GIMAP1: variants seen among roughly 807,000 people sequenced by gnomAD.
GIMAP1 encodes GTPase, IMAP family member 1.
For missense variants in GIMAP1, 423 were observed against 411.9 expected (o/e 1.03, Z -0.23); for synonymous variants, 230 against 187.7 (o/e 1.23, Z -1.84).
Position 150,723,572 on chromosome 7 carries a change from T to C in GIMAP1, c.*2647T>C, listed in dbSNP as rs1731962271. 6.6e-6 allele frequency: 1 copy of C among 152,188 alleles called. No homozygotes were observed. The highest frequency in any genetic ancestry group is 2.4e-5 in the African/African-American group (1 of 41,452). The allele number at this position is 152,188 out of a possible 1,614,324, so 9.4% of individuals were successfully genotyped here. A position where few individuals can be genotyped will look rare whatever the true frequency, so the allele number is the denominator to read the frequency against. On this transcript the variant is annotated 3_prime_UTR_variant, in exon 3 of 3. Transcript: ENST00000307194. ...TCACCATTCCCTTCGGTAAAGTCTTTTTTTAGGCTGTGGCTTAAAGGTTGC... is the reference window on the plus strand; with the variant it reads ...TCACCATTCCCTTCGGTAAAGTCTTCTTTTAGGCTGTGGCTTAAAGGTTGC...
In GIMAP1 at chr7:150,720,131, A is replaced by T. The variant is rs1797274531; in HGVS notation, c.127A>T (p.Thr43Ser). The T allele has an allele frequency of 6.2e-7, 1 of 1,613,844 alleles. No homozygotes were observed. Among genetic ancestry groups the T allele is most frequent in the Non-Finnish European group, 8.5e-7 (1 of 1,180,022 alleles). ...GAGAACAGGGGCCGGGAAGAGCGCC[A>T]CTGGGAACAGCATCCTGGGCCAGAG... ...VGRTGAGKSATGNSILGQRRF... is the reference protein window; with the variant it reads ...VGRTGAGKSASGNSILGQRRF... The change falls in exon 3 of 3, where the codon ACT becomes TCT. Residue 43 changes from threonine (T) to serine (S), a missense_variant. Transcript: ENST00000307194. This position sits in a 1 kb window ranked among gnomAD's most constrained non-coding sequence, Gnocchi z 4.5.
chr7:150,717,528 G>T (rs573295249), intron 1 of GIMAP1, among the ~76,000 whole-genome samples: 4 of 151,878 alleles, frequency 2.6e-5, no homozygotes, highest in Admixed American at 6.6e-5. Context: ...AGGGCCATTT[G>T]TCACCTCAGA....
At chr7:150,719,120 G>T (rs757865137) in intron 2 of GIMAP1, 30 bp downstream of exon 2, 3 of 1,613,884 alleles carry the variant, frequency 1.9e-6, no homozygotes, top group South Asian at 2.2e-5. Flanking sequence ...CCTCATACTT[G>T]CCCCCCTAGG....
Position 150,720,856 on chromosome 7 carries a change from C to G in GIMAP1, c.852C>G (p.Gly284=), listed in dbSNP as rs770099581. Reference sequence around the variant, plus strand: ...TGGGCCTGGCCCTGCTGCTGGGGGGCGCGCTCCTGTTCTGGGTGCTGCTCC... The same window carrying G: ...TGGGCCTGGCCCTGCTGCTGGGGGGGGCGCTCCTGTTCTGGGTGCTGCTCC... ...WRLGLALLLG[G]ALLFWVLLHR... Residue 284 remains glycine, a synonymous_variant, in exon 3 of 3, where the codon GGC becomes GGG. Transcript: ENST00000307194. The surrounding 1 kb of genome is among the most constrained non-coding windows in gnomAD (Gnocchi z 4.5). The G allele has an allele frequency of 1.9e-6, 3 of 1,605,260 alleles. No individual in the cohort carries two copies. The South Asian group carries it at 3.3e-5, about 18-fold the overall frequency.
At position 150,718,962 on chromosome 7, in the gene GIMAP1, G is replaced by T; in HGVS notation, c.-6-80G>T. Reference sequence around the variant, plus strand: ...TTTGGACTTTGCCTGACACCCTGTAGGTGGTTATGCCTATTTGTGGTTATG... The same window carrying T: ...TTTGGACTTTGCCTGACACCCTGTATGTGGTTATGCCTATTTGTGGTTATG... On this transcript the variant is annotated intron_variant, in intron 1 of 2. Transcript: ENST00000307194. 2.5e-6 allele frequency: 4 copies of T among 1,592,124 alleles called. No individual in the cohort carries two copies. In the South Asian group the frequency reaches 4.4e-5, roughly 18 times the overall value.
At position 150,720,829 on chromosome 7, in the gene GIMAP1, G is replaced by A. The variant is rs1418404139; in HGVS notation, c.825G>A (p.Arg275=). ...GGCTGAAGTCCCCCAGGAGCTGGAG[G>A]CTGGGCCTGGCCCTGCTGCTGGGGG... The part of the protein sequence containing the change: ...WKWLKSPRSW[R]LGLALLLGGA... Residue 275 remains arginine (R), a synonymous_variant, in exon 3 of 3, where the codon AGG becomes AGA. Transcript: ENST00000307194. This position sits in a 1 kb window ranked among gnomAD's most constrained non-coding sequence, Gnocchi z 4.5. 3.1e-6 allele frequency: 5 copies of A among 1,603,396 alleles called. No homozygotes were observed. Among genetic ancestry groups the A allele is most frequent in the Non-Finnish European group, 4.2e-6 (5 of 1,176,874 alleles).
chr7:150,721,742 C>T lies in GIMAP1; in HGVS notation c.*817C>T, dbSNP rs142385558. Reference sequence around the variant, plus strand: ...GGGAGAATCACTTGATGCAGTGAGCCGAGATCGTGCCACTGCACTCCAGGC... The same window carrying T: ...GGGAGAATCACTTGATGCAGTGAGCTGAGATCGTGCCACTGCACTCCAGGC... On this transcript the variant is annotated 3_prime_UTR_variant, in exon 3 of 3. Coordinates refer to ENST00000307194, the MANE Select transcript of GIMAP1 (RefSeq NM_130759.4). 7.3e-5 allele frequency: 11 copies of T among 149,934 alleles called. No homozygotes were observed. The East Asian group carries it at 1.4e-3, about 19-fold the overall frequency. 9.3% of individuals were successfully genotyped at this position (149,934 alleles called of 1,614,324 possible). A position where few individuals can be genotyped will look rare whatever the true frequency, so the allele number is the denominator to read the frequency against.
Position 150,720,019 on chromosome 7 carries a change from A to C in GIMAP1, c.44-29A>C. The C allele has an allele frequency of 6.6e-7, 1 of 1,522,760 alleles. No individual in the cohort carries two copies. The highest frequency in any genetic ancestry group is 8.8e-7 in the Non-Finnish European group (1 of 1,134,382). 94.3% of individuals were successfully genotyped at this position (1,522,760 alleles called of 1,614,324 possible). A position where few individuals can be genotyped will look rare whatever the true frequency, so the allele number is the denominator to read the frequency against. Reference sequence around the variant, plus strand: ...TCCCAAGGGGAAGTTGGTTAAACTTAAGTAAGATTATAACACTTGGTCTCA... The same window carrying C: ...TCCCAAGGGGAAGTTGGTTAAACTTCAGTAAGATTATAACACTTGGTCTCA... On this transcript the variant is annotated intron_variant, in intron 2 of 2. Coordinates refer to ENST00000307194, the MANE Select transcript of GIMAP1 (RefSeq NM_130759.4). The surrounding 1 kb of genome is among the most constrained non-coding windows in gnomAD (Gnocchi z 4.5).
rs1244655386 is a variant in GIMAP1, at chr7:150,720,721, G to T, written c.717G>T (p.Arg239=). Residue 239 remains arginine (R), a synonymous_variant, in exon 3 of 3, where the codon CGG becomes CGT. Transcript: ENST00000307194. The surrounding 1 kb of genome is among the most constrained non-coding windows in gnomAD (Gnocchi z 4.5). Reference sequence around the variant, plus strand: ...TGCGCTGGGCAGGCCCTGAGGAGCGGCTCCGGCGGGTGGCGGAGCGCGTGG... The same window carrying T: ...TGCGCTGGGCAGGCCCTGAGGAGCGTCTCCGGCGGGTGGCGGAGCGCGTGG... ...QVLRWAGPEE[R]LRRVAERVAA... is the part of the protein sequence containing the mutation. 13 of 1,572,590 alleles carry T rather than the reference G, an allele frequency of 8.3e-6. No individual in the cohort carries two copies. The highest frequency in any genetic ancestry group is 1.0e-5 in the Non-Finnish European group (12 of 1,159,052).
chr7:150,717,271 A>G (rs1797231049), intron 1 of GIMAP1, among the ~76,000 whole-genome samples: 1 of 152,124 alleles, frequency 6.6e-6, no homozygotes, highest in South Asian at 2.1e-4. Context: ...GACACCTCAA[A>G]TTCCCATCTG....
chr7:150,719,901 A>G, intron 2 of GIMAP1, 147 bp from the exon 3 acceptor site: 1 of 1,106,698 alleles, frequency 9.0e-7, no homozygotes. Flanking sequence ...GCAGGCAGAC[A>G]ACCCAAATAC....
intron 2 of GIMAP1, chr7:150,719,358 G>A: frequency 2.2e-6 from 1 of 454,742 alleles, no homozygotes; most frequent in East Asian, 3.4e-5. Flanking sequence ...AGTGCAGAGG[G>A]GATTAAATCA....
chr7:150,720,027 T>C lies in GIMAP1; in HGVS notation c.44-21T>C. On this transcript the variant is annotated intron_variant, in intron 2 of 2. Coordinates refer to ENST00000307194, the MANE Select transcript of GIMAP1 (RefSeq NM_130759.4). The surrounding 1 kb of genome is among the most constrained non-coding windows in gnomAD (Gnocchi z 4.5). ...GGAAGTTGGTTAAACTTAAGTAAGA[T>C]TATAACACTTGGTCTCACAGGTTTA... The C allele has an allele frequency of 6.5e-7, 1 of 1,544,196 alleles. No homozygotes were observed. The highest frequency in any genetic ancestry group is 8.7e-7 in the Non-Finnish European group (1 of 1,144,370).
At position 150,721,114 on chromosome 7, in the gene GIMAP1, C is replaced by A; in HGVS notation, c.*189C>A. 2.0e-6 allele frequency: 1 copy of A among 505,622 alleles called. No individual in the cohort carries two copies. The highest frequency in any genetic ancestry group is 3.9e-5 in the South Asian group (1 of 25,720). The allele number at this position is 505,622 out of a possible 1,614,324, so 31.3% of individuals were successfully genotyped here. Reference sequence around the variant, plus strand: ...GAGTTCACTTTTTAAGTTTTTAACTCATTTTAAATGATGTGTATGCAGAGT... The same window carrying A: ...GAGTTCACTTTTTAAGTTTTTAACTAATTTTAAATGATGTGTATGCAGAGT... On this transcript the variant is annotated 3_prime_UTR_variant, in exon 3 of 3. Coordinates refer to ENST00000307194, the MANE Select transcript of GIMAP1 (RefSeq NM_130759.4).
intron 1 of GIMAP1, among the ~76,000 whole-genome samples, chr7:150,717,009 G>A (rs1336249964): frequency 6.6e-6 from 1 of 151,888 alleles, no homozygotes; most frequent in Non-Finnish European, 1.5e-5. Context: ...AGTTTGAAAG[G>A]CATTAAACAT....
Position 150,724,028 on chromosome 7 carries a change from A to T in GIMAP1, c.*3103A>T, listed in dbSNP as rs893095147. The T allele has an allele frequency of 2.6e-5, 4 of 152,132 alleles. No homozygotes were observed. Among genetic ancestry groups the T allele is most frequent in the African/African-American group, 9.7e-5 (4 of 41,408 alleles). 9.4% of individuals were successfully genotyped at this position (152,132 alleles called of 1,614,324 possible). A position where few individuals can be genotyped will look rare whatever the true frequency, so the allele number is the denominator to read the frequency against. On this transcript the variant is annotated 3_prime_UTR_variant, in exon 3 of 3. Coordinates refer to ENST00000307194, the MANE Select transcript of GIMAP1 (RefSeq NM_130759.4). ...AGTACATTCTTACATATTCTTACACAATCAATATTCAGTTCCAGCCCGCAC... is the reference window on the plus strand; with the variant it reads ...AGTACATTCTTACATATTCTTACACTATCAATATTCAGTTCCAGCCCGCAC...
At chr7:150,719,904 C>A in intron 2 of GIMAP1, 144 bp from the exon 3 acceptor site, 1 of 1,157,142 alleles carries the variant, frequency 8.6e-7, no homozygotes, top group Non-Finnish European at 1.2e-6. Flanking sequence ...GGCAGACAAC[C>A]CAAATACAAA....
chr7:150,720,855 G>T lies in GIMAP1; in HGVS notation c.851G>T (p.Gly284Val), dbSNP rs772479455. The T allele has an allele frequency of 6.2e-7, 1 of 1,605,830 alleles. No homozygotes were observed. Among genetic ancestry groups the T allele is most frequent in the Non-Finnish European group, 8.5e-7 (1 of 1,178,858 alleles). The change falls in exon 3 of 3, where the codon GGC becomes GTC. Residue 284 changes from glycine to valine, a missense_variant. Coordinates refer to ENST00000307194, the MANE Select transcript of GIMAP1 (RefSeq NM_130759.4). This position sits in a 1 kb window ranked among gnomAD's most constrained non-coding sequence, Gnocchi z 4.5. ...WRLGLALLLG[G>V]ALLFWVLLHR... is the part of the protein sequence containing the mutation. Reference sequence around the variant, plus strand: ...CTGGGCCTGGCCCTGCTGCTGGGGGGCGCGCTCCTGTTCTGGGTGCTGCTC... The same window carrying T: ...CTGGGCCTGGCCCTGCTGCTGGGGGTCGCGCTCCTGTTCTGGGTGCTGCTC...
At chr7:150,719,331 C>T (rs1765521496) in intron 2 of GIMAP1, 1 of 536,494 alleles carries the variant, frequency 1.9e-6, no homozygotes, top group Non-Finnish European at 3.3e-6. Context: ...TAAACCTACT[C>T]CGATCACCGC....
Sources: allele counts gnomAD v4.1 joint callset (sites outside exome capture counted in the v4.1 genomes callset), GRCh38; gene constraint gnomAD v4.1.1; non-coding constraint Gnocchi (gnomAD v3.1); transcripts MANE v1.5; gene names NCBI Gene and HGNC (gene_info 2026-07-23, HGNC 2026-07-21).